The following HECW2 variants were observed in gnomAD, a reference collection of about 807,000 sequenced individuals.
HECW2 encodes the protein E3 ubiquitin-protein ligase HECW2.
In HECW2, 61 loss-of-function variants were observed where a neutral mutation model predicts 175.2. That is an observed-to-expected ratio of 0.35 (90% CI 0.28 to 0.43). HECW2 has a LOEUF of 0.43. Ranked by LOEUF, HECW2 falls within the 20% of genes least tolerant of loss-of-function variation. The probability of loss-of-function intolerance (pLI) is 1.00; values close to 1 mark genes in which losing one functional copy is unlikely to be tolerated. For missense variants in HECW2, 1,524 were observed against 2,000.5 expected (o/e 0.76, Z 4.54); for synonymous variants, 671 against 731.0 (o/e 0.92, Z 1.32).
chr2:196,489,181 G>A (rs944132844), intron 1 of HECW2, among the ~76,000 whole-genome samples: 2 of 152,098 alleles, frequency 1.3e-5, no homozygotes, highest in Non-Finnish European at 2.9e-5. Context: ...GACAGCATGA[G>A]GTCATAAATT....
At chr2:196,224,934 TC>T (rs1253375809) in intron 23 of HECW2, among the ~76,000 whole-genome samples, 1 of 152,158 alleles carries the variant, frequency 6.6e-6, no homozygotes, top group Non-Finnish European at 1.5e-5. Context: ...CTACTGACCC[TC>T]CCAAGGGCCC....
intron 22 of HECW2, among the ~76,000 whole-genome samples, chr2:196,227,456 T>C (rs952233710): frequency 2.6e-5 from 4 of 152,242 alleles, no homozygotes; most frequent in Admixed American, 6.5e-5. Flanking sequence ...CTTGATTTTG[T>C]GTGAGAAATT....
intron 1 of HECW2, among the ~76,000 whole-genome samples, chr2:196,556,755 T>G (rs1437110307): frequency 6.6e-6 from 1 of 152,094 alleles, no homozygotes; most frequent in South Asian, 2.1e-4. Context: ...GGAGTGGAGA[T>G]AGATATCCCA....
chr2:196,274,299 A>G (rs2105971983), intron 15 of HECW2, among the ~76,000 whole-genome samples, 176 bp from the exon 16 acceptor site: 1 of 152,330 alleles, frequency 6.6e-6, no homozygotes, highest in Admixed American at 6.5e-5. Context: ...GCCTTGTTTT[A>G]GTGGCTAAAT....
chr2:196,374,617 A>G (rs150260476), intron 2 of HECW2, among the ~76,000 whole-genome samples: 3 of 152,336 alleles, frequency 2.0e-5, no homozygotes, highest in Non-Finnish European at 4.4e-5. Context: ...AACTATTTTG[A>G]CATTTGAAAA....
chr2:196,453,185 A>G (rs1696399994), intron 1 of HECW2, among the ~76,000 whole-genome samples: 1 of 152,206 alleles, frequency 6.6e-6, no homozygotes, highest in Admixed American at 6.5e-5. Context: ...GAATTTCAAG[A>G]TCTCTAACAC....
chr2:196,206,056 C>A (rs770735922), intron 28 of HECW2, among the ~76,000 whole-genome samples: 1 of 152,178 alleles, frequency 6.6e-6, no homozygotes, highest in Non-Finnish European at 1.5e-5. Flanking sequence ...CACCCCCACT[C>A]CCACCCCATT....
At chr2:196,326,292 A>C (rs1037121718) in intron 5 of HECW2, among the ~76,000 whole-genome samples, 5 of 152,146 alleles carry the variant, frequency 3.3e-5, no homozygotes, top group African/African-American at 9.7e-5. Flanking sequence ...TTCTTGAAGG[A>C]GAGCTCCCAG....
At chr2:196,482,217 G>A (rs991099101) in intron 1 of HECW2, among the ~76,000 whole-genome samples, 1 of 152,182 alleles carries the variant, frequency 6.6e-6, no homozygotes, top group African/African-American at 2.4e-5. Flanking sequence ...GGCATGCAAG[G>A]GCCTTGTCCC....
chr2:196,391,318 C>A (rs1213783886), intron 2 of HECW2, among the ~76,000 whole-genome samples: 1 of 152,098 alleles, frequency 6.6e-6, no homozygotes, highest in East Asian at 1.9e-4. Flanking sequence ...TAATGTATCA[C>A]CCCTATGATC....
Position 196,329,628 on chromosome 2 carries a change from C to G in HECW2, c.518G>C (p.Gly173Ala). 6.2e-7 allele frequency: 1 copy of G among 1,613,654 alleles called. No individual in the cohort carries two copies. The highest frequency in any genetic ancestry group is 1.3e-5 in the African/African-American group (1 of 75,012). ...AVMMGAEGME[G>A]GASGNLHSRK... ...AGAATGCAGGTTTCCTGAAGCACCT[C>G]CCTCCATGCCTTCTGCCCCCATCTG... is the stretch of plus-strand genomic sequence containing the variant. The change falls in exon 5 of 29, where the codon GGA (glycine) becomes GCA (alanine). Residue 173 changes from glycine to alanine, a missense_variant. By Grantham distance (60) the Gly-to-Ala change is moderately conservative. Transcript: ENST00000644978.
At chr2:196,292,093 A>AC (rs1559015749) in intron 14 of HECW2, 1 of 153,524 alleles carries the variant, frequency 6.5e-6, no homozygotes, top group Non-Finnish European at 1.4e-5. Flanking sequence ...ACAAAATCAC[A>AC]GTTCTGAACC....
Position 196,274,081 on chromosome 2 carries a change from T to C in HECW2, c.3178A>G (p.Arg1060Gly). ...SRHAGPPVLP[R>G]PSSTFNTVSR... ...ACTGTATTGAATGTACTGGATGGCC[T>C]GGGAAGAACTGGTGGTCCTGCATGT... Residue 1060 changes from arginine to glycine, a missense_variant, in exon 16 of 29, where the codon AGG becomes GGG. Arg to Gly is a moderately radical substitution (Grantham distance 125). Transcript: ENST00000644978. The C allele has an allele frequency of 3.1e-6, 5 of 1,614,160 alleles. No individual in the cohort carries two copies. The highest frequency in any genetic ancestry group is 4.2e-6 in the Non-Finnish European group (5 of 1,179,956).
chr2:196,463,784 G>A (rs1443300262), intron 1 of HECW2, among the ~76,000 whole-genome samples: 1 of 152,150 alleles, frequency 6.6e-6, no homozygotes, highest in African/African-American at 2.4e-5. Context: ...ACAACCAGGT[G>A]GCAGCCTGTA....
intron 1 of HECW2, among the ~76,000 whole-genome samples, chr2:196,499,007 C>A (rs1387731699): frequency 6.6e-6 from 1 of 152,098 alleles, no homozygotes; most frequent in Non-Finnish European, 1.5e-5. Context: ...AAGACCCAAC[C>A]AATTAGCCTT....
intron 2 of HECW2, among the ~76,000 whole-genome samples, chr2:196,368,607 CTT>C (rs1227612523): frequency 1.3e-5 from 2 of 152,108 alleles, no homozygotes; most frequent in Non-Finnish European, 2.9e-5. Flanking sequence ...AGGCCAATAA[CTT>C]AGATTTGCCC....
chr2:196,522,806 T>C (rs1178041878), intron 1 of HECW2, among the ~76,000 whole-genome samples: 1 of 151,990 alleles, frequency 6.6e-6, no homozygotes, highest in African/African-American at 2.4e-5. Context: ...CGGCGTTATT[T>C]CTGAGGGCTC....
At chr2:196,375,034 C>T (rs1694012209) in intron 2 of HECW2, among the ~76,000 whole-genome samples, 1 of 151,632 alleles carries the variant, frequency 6.6e-6, no homozygotes, top group African/African-American at 2.4e-5. Context: ...TGGTGGTGCG[C>T]ACCTGTAATC....
At chr2:196,285,506 A>T (rs57137668) in intron 14 of HECW2, among the ~76,000 whole-genome samples, 3,736 of 150,880 alleles carry the variant, frequency 0.025, 165 homozygotes, top group African/African-American at 0.086. Context: ...GTCTTAGCCT[A>T]CAAAGTCTTG....
Sources: allele counts gnomAD v4.1 joint callset (sites outside exome capture counted in the v4.1 genomes callset), GRCh38; gene constraint gnomAD v4.1.1; transcripts MANE v1.5; gene names NCBI Gene and HGNC (gene_info 2026-07-23, HGNC 2026-07-21).